The following FMOD variants were observed in gnomAD, a reference collection of about 807,000 sequenced individuals.
FMOD encodes KSPG fibromodulin.
FMOD carries 15 observed loss-of-function variants against 27.0 expected under a neutral mutation model. The observed-to-expected ratio is 0.55, with a 90% CI of 0.37 to 0.85. FMOD has a LOEUF of 0.85. Among genes scored for constraint, FMOD ranks in the 40% least tolerant of loss-of-function variants. The probability of loss-of-function intolerance (pLI) is 0.00; values close to 1 mark genes in which losing one functional copy is unlikely to be tolerated. For missense variants in FMOD, 460 were observed against 483.2 expected, an observed-to-expected ratio of 0.95 and a Z score of 0.45; for synonymous variants, 210 against 214.0, an observed-to-expected ratio of 0.98 and a Z score of 0.16.
intron 1 of FMOD, among the ~76,000 whole-genome samples, chr1:203,349,770 G>C (rs1658959736): frequency 6.6e-6 from 1 of 152,200 alleles, no homozygotes; most frequent in Non-Finnish European, 1.5e-5. Context: ...GTTACCTCCT[G>C]ACCACCATCC....
At chr1:203,343,519 A>T (rs1339344825) in intron 2 of FMOD, among the ~76,000 whole-genome samples, 1 of 152,186 alleles carries the variant, frequency 6.6e-6, no homozygotes, top group African/African-American at 2.4e-5. Context: ...TCCTGTTGTC[A>T]TTCTCTGCAA....
At chr1:203,345,584 C>T (rs920429494) in intron 2 of FMOD, among the ~76,000 whole-genome samples, 8 of 152,120 alleles carry the variant, frequency 5.3e-5, no homozygotes, top group East Asian at 3.9e-4. Flanking sequence ...AAATGTCAAA[C>T]GTCTGCAGCT....
chr1:203,345,009 T>C (rs1032257744), intron 2 of FMOD, among the ~76,000 whole-genome samples: 1 of 152,210 alleles, frequency 6.6e-6, no homozygotes, highest in Non-Finnish European at 1.5e-5. Context: ...GAAAGGCTAA[T>C]AATAATAGCT....
intron 2 of FMOD, among the ~76,000 whole-genome samples, chr1:203,343,110 G>T (rs1046546416): frequency 6.6e-6 from 1 of 152,180 alleles, no homozygotes; most frequent in Non-Finnish European, 1.5e-5. Flanking sequence ...GGAAGCTGGG[G>T]ACTCATAGAG....
In FMOD at chr1:203,348,235, G is replaced by A. The variant is rs1471901967; in HGVS notation, c.36C>T (p.Leu12=). ...CATACTGGGCCTGGGAGAGGGAGAA[G>A]AGCCCTGCCAGCAGCAGGAGGGAGG... ...QWTSLLLLAG[L]FSLSQAQYED... is the part of the protein sequence containing the mutation. The change falls in exon 2 of 3, where the codon CTC becomes CTT. Residue 12 remains leucine (L), a synonymous_variant. Transcript: ENST00000354955. The A allele has an allele frequency of 6.2e-7, 1 of 1,613,966 alleles. No individual in the cohort carries two copies. Among genetic ancestry groups the A allele is most frequent in the Non-Finnish European group, 8.5e-7 (1 of 1,179,988 alleles).
rs376575413 is a variant in FMOD at position 203,342,420 on chromosome 1, C to T, written c.1054G>A (p.Gly352Arg). ...ATGGCGCTGCGCTTGATCTCGTTCC[C>T]GTCCAGGCGCAGCACCTGCAGCTTG... ...FSKLQVLRLD[G>R]NEIKRSAMPA... The change falls in exon 3 of 3, where the codon GGG becomes AGG. Residue 352 changes from glycine (G) to arginine (R), a missense_variant. By Grantham distance (125) the Gly-to-Arg change is moderately radical (BLOSUM62 -2). Transcript: ENST00000354955. 8.7e-6 allele frequency: 14 copies of T among 1,614,020 alleles called. No individual in the cohort carries two copies. Among genetic ancestry groups the T allele is most frequent in the East Asian group, 6.7e-5 (3 of 44,900 alleles).
chr1:203,350,593 A>ACACACG (rs1553286361), intron 1 of FMOD, among the ~76,000 whole-genome samples: 3 of 151,784 alleles, frequency 2.0e-5, no homozygotes, highest in Admixed American at 6.6e-5. Context: ...ACACACACAC[A>ACACACG]CACACACACA....
chr1:203,347,164 C>G (rs575244887), intron 2 of FMOD, 128 bp downstream of exon 2: 1 of 1,085,496 alleles, frequency 9.2e-7, no homozygotes, highest in East Asian at 2.4e-5. Context: ...GCTTGGTTGT[C>G]AGGTTGCTTC....
rs781663545 is a variant in FMOD at position 203,342,384 on chromosome 1, C to T, written c.1090G>A (p.Ala364Thr). 2.1e-5 allele frequency: 34 copies of T among 1,613,594 alleles called. No individual in the cohort carries two copies. Among genetic ancestry groups the T allele is most frequent in the Middle Eastern group, 1.6e-4 (1 of 6,072 alleles). Residue 364 changes from alanine (A) to threonine (T), a missense_variant, in exon 3 of 3, where the codon GCG (alanine) becomes ACG (threonine). Ala to Thr is a moderately conservative substitution (Grantham distance 58). Coordinates refer to ENST00000354955, the MANE Select transcript of FMOD (RefSeq NM_002023.5). ...EIKRSAMPAD[A>T]PLCLRLASLI... ...CTGGCAAGGCGCAGGCAGAGGGGCG[C>T]GTCGGCAGGCATGGCGCTGCGCTTG...
intron 2 of FMOD, among the ~76,000 whole-genome samples, chr1:203,346,885 A>G (rs1019705219): frequency 6.6e-6 from 1 of 152,134 alleles, no homozygotes; most frequent in Admixed American, 6.6e-5. Context: ...TCCCTGACAC[A>G]TGACCCCTTC....
chr1:203,345,879 C>T (rs1658878600), intron 2 of FMOD, among the ~76,000 whole-genome samples: 1 of 119,500 alleles, frequency 8.4e-6, no homozygotes, highest in Non-Finnish European at 1.7e-5. Flanking sequence ...GCCTGGGTGA[C>T]AGAGCGAGAC....
Position 203,348,262 on chromosome 1 carries a change from C to T in FMOD, c.9G>A (p.Trp3Ter). 6.2e-7 allele frequency: 1 copy of T among 1,612,916 alleles called. No homozygotes were observed. Among genetic ancestry groups the T allele is most frequent in the Non-Finnish European group, 8.5e-7 (1 of 1,179,382 alleles). Residue 3 changes from tryptophan to a stop codon, truncating the protein, a stop_gained, in exon 2 of 3, where the codon TGG (tryptophan) becomes TGA (stop). Transcript: ENST00000354955. LOFTEE classifies it high-confidence loss of function. MQ[W>*]TSLLLLAGLF... Reference sequence around the variant, plus strand: ...GCCCTGCCAGCAGCAGGAGGGAGGTCCACTGCATTTTGTCTCTGCAAGAAG... The same window carrying T: ...GCCCTGCCAGCAGCAGGAGGGAGGTTCACTGCATTTTGTCTCTGCAAGAAG...
chr1:203,347,141 G>A (rs1196084447), intron 2 of FMOD, 151 bp downstream of exon 2: 8 of 834,792 alleles, frequency 9.6e-6, no homozygotes, highest in Non-Finnish European at 1.1e-5. Context: ...ATTCTCTTTT[G>A]TACAGGGGTA....
rs776639176 is a variant in FMOD, at chr1:203,342,474, A to G, written c.1000T>C (p.Cys334Arg). The G allele has an allele frequency of 1.5e-5, 24 of 1,613,922 alleles. No individual in the cohort carries two copies. The highest frequency in any genetic ancestry group is 2.0e-5 in the Non-Finnish European group (24 of 1,179,896). Residue 334 changes from cysteine to arginine, a missense_variant, in exon 3 of 3, where the codon TGC becomes CGC. Transcript: ENST00000354955. ...AAGTTCACGACGTCCACCACGGTGCAGAAGCTGCTGATGGAGAACTCTGTG... is the reference window on the plus strand; with the variant it reads ...AAGTTCACGACGTCCACCACGGTGCGGAAGCTGCTGATGGAGAACTCTGTG... ...RINEFSISSF[C>R]TVVDVVNFSK...
rs1271067760 is a variant in FMOD at position 203,341,221 on chromosome 1, G to A, written c.*1122C>T. ...TGGTACTTTTTAACTATGGCCTTAGGACAAACCAGGTGAAACAGATTAACC... is the reference window on the plus strand; with the variant it reads ...TGGTACTTTTTAACTATGGCCTTAGAACAAACCAGGTGAAACAGATTAACC... On this transcript the variant is annotated 3_prime_UTR_variant, in exon 3 of 3. Transcript: ENST00000354955. 1 of 152,202 alleles carries A rather than the reference G, an allele frequency of 6.6e-6. No individual in the cohort carries two copies. Among genetic ancestry groups the A allele is most frequent in the Non-Finnish European group, 1.5e-5 (1 of 68,048 alleles). The allele number at this position is 152,202 out of a possible 1,614,324, so 9.4% of individuals were successfully genotyped here. A position where few individuals can be genotyped will look rare whatever the true frequency, so the allele number is the denominator to read the frequency against.
intron 1 of FMOD, among the ~76,000 whole-genome samples, chr1:203,349,086 T>C (rs552982540): frequency 2.6e-5 from 4 of 152,356 alleles, no homozygotes; most frequent in Admixed American, 2.6e-4. Context: ...CTAAAGCAGG[T>C]ACTCAGTGTG....
chr1:203,344,506 C>G (rs952395854), intron 2 of FMOD, among the ~76,000 whole-genome samples: 3 of 152,200 alleles, frequency 2.0e-5, no homozygotes, highest in Admixed American at 6.5e-5. Context: ...CAAATTCCTA[C>G]TGGTGTACCC....
intron 1 of FMOD, 126 bp downstream of exon 1, chr1:203,350,907 C>G (rs1658988034): frequency 1.3e-5 from 2 of 152,282 alleles, no homozygotes; most frequent in African/African-American, 2.4e-5. Flanking sequence ...GGGGTCATGG[C>G]CCAGATGTGG....
rs1339799359 is a variant in FMOD at position 203,347,585 on chromosome 1, T to C, written c.686A>G (p.Asp229Gly). Residue 229 changes from aspartate to glycine, a missense_variant, in exon 2 of 3, where the codon GAC becomes GGC. By Grantham distance (94) the Asp-to-Gly change is moderately conservative. Coordinates refer to ENST00000354955, the MANE Select transcript of FMOD (RefSeq NM_002023.5). ...CTTCCGAAGGTGGTTATAACTCAGG[T>C]CCAGCAAGATCAGTGACCGGAGGCC... is the stretch of plus-strand genomic sequence containing the variant. ...MRGLRSLILLDLSYNHLRKVP... is the reference protein window; with the variant it reads ...MRGLRSLILLGLSYNHLRKVP... The C allele has an allele frequency of 1.9e-6, 3 of 1,614,138 alleles. No individual in the cohort carries two copies. The highest frequency in any genetic ancestry group is 2.2e-5 in the East Asian group (1 of 44,876).
Sources: gnomAD v4.1 joint callset for allele counts (sites outside exome capture counted in the v4.1 genomes callset) on GRCh38, gnomAD v4.1.1 for gene constraint, MANE v1.5 for transcripts, NCBI Gene and HGNC (gene_info 2026-07-23, HGNC 2026-07-21) for gene names.